CRHR1: variants seen among roughly 807,000 people sequenced by gnomAD.
CRHR1 encodes the protein corticotropin-releasing hormone receptor 1.
Under a neutral mutation model 56.0 loss-of-function variants are expected in CRHR1, and 28 were observed. That is an observed-to-expected ratio of 0.50 (90% CI 0.37 to 0.69). The LOEUF is 0.69. Ranked by LOEUF, CRHR1 falls within the 30% of genes least tolerant of loss-of-function variation. CRHR1 has a pLI of 0.00. For synonymous variants in CRHR1, 195 were observed against 216.5 expected (o/e 0.90, Z 0.87); for missense variants, 376 against 548.0 (o/e 0.69, Z 3.13).
intron 3 of CRHR1, among the ~76,000 whole-genome samples, chr17:45,820,515 G>A (rs2062018460): frequency 6.6e-6 from 1 of 152,174 alleles, no homozygotes; most frequent in Admixed American, 6.5e-5. Flanking sequence ...CTTAGAAGGT[G>A]ACAGGTTCTG....
At chr17:45,791,987 T>C (rs1422929183) in intron 1 of CRHR1, among the ~76,000 whole-genome samples, 1 of 152,092 alleles carries the variant, frequency 6.6e-6, no homozygotes, top group African/African-American at 2.4e-5. Flanking sequence ...CCTCTGAGCA[T>C]AGCCAGACCT....
chr17:45,814,166 G>C (rs1029322361), intron 2 of CRHR1, among the ~76,000 whole-genome samples: 5 of 152,246 alleles, frequency 3.3e-5, no homozygotes, highest in African/African-American at 1.2e-4. Flanking sequence ...TCCAGACGCT[G>C]CCACATGGAA....
At chr17:45,821,709 G>A (rs984653282) in intron 4 of CRHR1, among the ~76,000 whole-genome samples, 9 of 152,172 alleles carry the variant, frequency 5.9e-5, no homozygotes, top group Admixed American at 2.6e-4. Flanking sequence ...TGTGCTCATC[G>A]GGCAGCCGCT....
chr17:45,792,295 C>T (rs2061440668), intron 1 of CRHR1, among the ~76,000 whole-genome samples: 1 of 152,158 alleles, frequency 6.6e-6, no homozygotes, highest in Non-Finnish European at 1.5e-5. Context: ...CAACTCTGCT[C>T]CTGTCCCTTG....
intron 4 of CRHR1, chr17:45,826,571 T>G (rs1461829921): frequency 6.6e-6 from 1 of 152,276 alleles, no homozygotes. Context: ...AGGAAAGCCC[T>G]CTTGGGCGCT....
intron 1 of CRHR1, among the ~76,000 whole-genome samples, chr17:45,789,178 G>A (rs2061385201): frequency 6.6e-6 from 1 of 152,172 alleles, no homozygotes; most frequent in South Asian, 2.1e-4. Flanking sequence ...AGAGGGAGTA[G>A]GGTGATCTCT....
intron 5 of CRHR1, chr17:45,829,621 G>A: frequency 1.3e-6 from 2 of 1,551,082 alleles, no homozygotes; most frequent in Non-Finnish European, 1.7e-6. Flanking sequence ...GGGCTCCATG[G>A]AGTGGTGCCC....
At chr17:45,813,050 G>T (rs760002390) in intron 2 of CRHR1, among the ~76,000 whole-genome samples, 1 of 152,182 alleles carries the variant, frequency 6.6e-6, no homozygotes. Flanking sequence ...GCAGGATGGC[G>T]ATCTGAAATC....
chr17:45,833,103 T>A, intron 8 of CRHR1, 35 bp from the exon 9 acceptor site: 2 of 1,579,488 alleles, frequency 1.3e-6, no homozygotes, highest in Non-Finnish European at 1.7e-6. Context: ...TGGACGCAGA[T>A]GACCCTTCCT....
At chr17:45,817,920 A>G (rs2061961762) in intron 3 of CRHR1, among the ~76,000 whole-genome samples, 2 of 152,128 alleles carry the variant, frequency 1.3e-5, no homozygotes, top group Non-Finnish European at 1.5e-5. Context: ...CCATTTTGTA[A>G]TAAGGAAATT....
intron 1 of CRHR1, among the ~76,000 whole-genome samples, chr17:45,786,721 C>T (rs564059607): frequency 4.4e-4 from 65 of 148,544 alleles, no homozygotes; most frequent in African/African-American, 1.5e-3. Context: ...CTCACTGAAG[C>T]CTCAACCTCC....
chr17:45,833,141 C>T lies in CRHR1; in HGVS notation c.774C>T (p.Cys258=), dbSNP rs16940674. Reference sequence around the variant, plus strand: ...CCTTTCCTCTGTGGCCTTCTAGGTGCTGGTTTGGCAAAAGGCCTGGGGTGT... The same window carrying T: ...CCTTTCCTCTGTGGCCTTCTAGGTGTTGGTTTGGCAAAAGGCCTGGGGTGT... ...IGKLYYDNEK[C]WFGKRPGVYT... is the part of the protein sequence containing the mutation. The change falls in exon 9 of 13, where the codon TGC becomes TGT. Residue 258 remains cysteine (C), a synonymous_variant. Transcript: ENST00000314537. The T allele has an allele frequency of 0.19, 303,210 of 1,611,846 alleles. 32,679 individuals carry two copies. The highest frequency in any genetic ancestry group is 0.22 in the Non-Finnish European group (260,209 of 1,177,874).
intron 5 of CRHR1, chr17:45,829,554 T>A (rs1347666934): frequency 6.5e-7 from 1 of 1,548,004 alleles, no homozygotes; most frequent in African/African-American, 1.4e-5. Context: ...ATGTCACCCA[T>A]ACCCAGGCCA....
intron 2 of CRHR1, among the ~76,000 whole-genome samples, chr17:45,812,272 T>A (rs1166139802): frequency 6.6e-6 from 1 of 152,212 alleles, no homozygotes; most frequent in Non-Finnish European, 1.5e-5. Flanking sequence ...GGAGAAACAA[T>A]TGTACTTGTT....
At chr17:45,813,527 C>T (rs890433944) in intron 2 of CRHR1, among the ~76,000 whole-genome samples, 4 of 152,228 alleles carry the variant, frequency 2.6e-5, no homozygotes, top group Non-Finnish European at 5.9e-5. Context: ...ACCAGCGCCC[C>T]CTCTGTGCAT....
intron 1 of CRHR1, among the ~76,000 whole-genome samples, chr17:45,798,923 G>A (rs2061570619): frequency 6.6e-6 from 1 of 152,214 alleles, no homozygotes; most frequent in Non-Finnish European, 1.5e-5. Context: ...TCGCCTGCCT[G>A]GAATAATCTT....
chr17:45,823,939 C>A (rs957083464), intron 4 of CRHR1, among the ~76,000 whole-genome samples: 3 of 152,220 alleles, frequency 2.0e-5, no homozygotes, highest in South Asian at 2.1e-4. Context: ...ACAGGCCAGA[C>A]CTTTGGGTGG....
At chr17:45,791,709 A>G (rs1201441035) in intron 1 of CRHR1, among the ~76,000 whole-genome samples, 2 of 151,812 alleles carry the variant, frequency 1.3e-5, no homozygotes, top group Admixed American at 6.6e-5. Context: ...AGCTCCCGCC[A>G]TGATCCCTTC....
chr17:45,790,421 C>T (rs902898112), intron 1 of CRHR1, among the ~76,000 whole-genome samples: 26 of 152,164 alleles, frequency 1.7e-4, no homozygotes, highest in South Asian at 2.1e-4. Flanking sequence ...CTTTGGAAGA[C>T]GGGTTCCCCT....
Sources: gnomAD v4.1 joint callset for allele counts (sites outside exome capture counted in the v4.1 genomes callset) on GRCh38, gnomAD v4.1.1 for gene constraint, MANE v1.5 for transcripts, NCBI Gene and HGNC (gene_info 2026-07-23, HGNC 2026-07-21) for gene names.